KCND3: variants seen among roughly 807,000 people sequenced by gnomAD.
KCND3 encodes A-type voltage-gated potassium channel KCND3.
KCND3 carries 9 observed loss-of-function variants against 51.1 expected under a neutral mutation model. That is an observed-to-expected ratio of 0.18 (90% confidence interval 0.11 to 0.31). KCND3 has a LOEUF of 0.31. Ranked by LOEUF, KCND3 falls within the 10% of genes least tolerant of loss-of-function variation. The probability of loss-of-function intolerance (pLI) is 1.00; values close to 1 mark genes in which losing one functional copy is unlikely to be tolerated. For missense variants in KCND3, 526 were observed against 903.8 expected (o/e 0.58, Z 5.36); for synonymous variants, 349 against 368.0 (o/e 0.95, Z 0.59).
chr1:111,820,651 T>C (rs1466883338), intron 2 of KCND3, among the ~76,000 whole-genome samples: 1 of 152,214 alleles, frequency 6.6e-6, no homozygotes, highest in Non-Finnish European at 1.5e-5. Context: ...GATTGAATTG[T>C]GTCTTCCAAA....
At chr1:111,950,539 A>T (rs1488694124) in intron 2 of KCND3, among the ~76,000 whole-genome samples, 1 of 152,232 alleles carries the variant, frequency 6.6e-6, no homozygotes, top group Non-Finnish European at 1.5e-5. Flanking sequence ...GAATAGATTA[A>T]TTATTGAATG....
intron 2 of KCND3, among the ~76,000 whole-genome samples, chr1:111,895,741 C>T (rs578000349): frequency 2.6e-5 from 4 of 152,316 alleles, no homozygotes; most frequent in East Asian, 1.9e-4. Context: ...GGGCTGGATG[C>T]GGAACAGGCC....
intron 2 of KCND3, among the ~76,000 whole-genome samples, chr1:111,829,204 G>A (rs1043906780): frequency 2.6e-5 from 4 of 152,312 alleles, no homozygotes; most frequent in South Asian, 2.1e-4. Flanking sequence ...GTGGTTGTGC[G>A]GTTGCAGGGA....
At chr1:111,899,510 A>G (rs894691935) in intron 2 of KCND3, among the ~76,000 whole-genome samples, 9 of 152,236 alleles carry the variant, frequency 5.9e-5, no homozygotes, top group African/African-American at 1.9e-4. Context: ...TGTCTGCAGA[A>G]AGGCCTCCTA....
chr1:111,891,583 T>C (rs536670163), intron 2 of KCND3, among the ~76,000 whole-genome samples: 27 of 152,272 alleles, frequency 1.8e-4, no homozygotes, highest in African/African-American at 6.5e-4. Flanking sequence ...ATTAACTTGT[T>C]AAACACTGTT....
chr1:111,927,349 C>A (rs1344380412), intron 2 of KCND3, among the ~76,000 whole-genome samples: 3 of 152,256 alleles, frequency 2.0e-5, no homozygotes, highest in African/African-American at 7.2e-5. Flanking sequence ...AGTGTTCACA[C>A]CCATAGGTGG....
intron 2 of KCND3, among the ~76,000 whole-genome samples, chr1:111,819,462 C>T (rs576965533): frequency 6.6e-6 from 1 of 151,966 alleles, no homozygotes; most frequent in Non-Finnish European, 1.5e-5. Flanking sequence ...AGCAAGAGCT[C>T]GCTCATAAAT....
chr1:111,853,040 G>T (rs541382932), intron 2 of KCND3, among the ~76,000 whole-genome samples: 2 of 152,306 alleles, frequency 1.3e-5, no homozygotes, highest in South Asian at 4.1e-4. Flanking sequence ...CACTTTACAT[G>T]AATTATCCAC....
intron 3 of KCND3, among the ~76,000 whole-genome samples, chr1:111,782,876 C>T (rs1371700931): frequency 6.6e-6 from 1 of 152,176 alleles, no homozygotes; most frequent in Non-Finnish European, 1.5e-5. Flanking sequence ...AATGGATTTA[C>T]ATAACCATAC....
At chr1:111,831,332 T>C (rs1026097275) in intron 2 of KCND3, among the ~76,000 whole-genome samples, 1 of 152,176 alleles carries the variant, frequency 6.6e-6, no homozygotes, top group East Asian at 1.9e-4. Context: ...TGGGAGGTGA[T>C]TGGATCCTGG....
intron 2 of KCND3, among the ~76,000 whole-genome samples, chr1:111,795,539 C>T (rs1291500303): frequency 2.0e-5 from 3 of 152,170 alleles, no homozygotes; most frequent in East Asian, 1.9e-4. Context: ...TCAAGATCAT[C>T]GGCTCATTCA....
At position 111,870,105 on chromosome 1, in the gene KCND3, A is replaced by G. The variant is rs1435471204; in HGVS notation, c.1107-82999T>C. Among the ~76,000 whole-genome samples the G allele has an allele frequency of 2.0e-5, 3 of 152,216 alleles. No homozygotes were observed. In the East Asian group the frequency reaches 5.8e-4, roughly 29 times the overall value. On this transcript the variant is annotated intron_variant, in intron 2 of 7. Transcript: ENST00000302127. ...TTGCTTGTATCATTTAAGCCTCACA[A>G]TGGCCCTATGAAGTAAGCATAATTG...
At chr1:111,801,840 T>A (rs996527133) in intron 2 of KCND3, among the ~76,000 whole-genome samples, 1 of 152,126 alleles carries the variant, frequency 6.6e-6, no homozygotes, top group Non-Finnish European at 1.5e-5. Flanking sequence ...TTCCATTAAG[T>A]CTCAGACTCT....
At chr1:111,945,300 T>A (rs985220472) in intron 2 of KCND3, among the ~76,000 whole-genome samples, 2 of 150,912 alleles carry the variant, frequency 1.3e-5, no homozygotes, top group Admixed American at 1.3e-4. Context: ...ACAGGAGGGG[T>A]TTCATGGAAG....
At chr1:111,810,166 T>C (rs1009614829) in intron 2 of KCND3, among the ~76,000 whole-genome samples, 14 of 152,196 alleles carry the variant, frequency 9.2e-5, no homozygotes, top group African/African-American at 2.7e-4. Flanking sequence ...TATTTGTGGC[T>C]CTATCTTGAA....
intron 2 of KCND3, among the ~76,000 whole-genome samples, chr1:111,820,491 A>T (rs969013713): frequency 6.6e-6 from 1 of 152,188 alleles, no homozygotes; most frequent in African/African-American, 2.4e-5. Flanking sequence ...AATATATTAT[A>T]CCTTGCAATG....
chr1:111,847,495 G>T (rs1667608706), intron 2 of KCND3, among the ~76,000 whole-genome samples: 1 of 152,290 alleles, frequency 6.6e-6, no homozygotes, highest in Admixed American at 6.5e-5. Context: ...AGCCCAGAAT[G>T]CCATGGGCCT....
chr1:111,982,819 G>A lies in KCND3; in HGVS notation c.-72-21C>T. On this transcript the variant is annotated intron_variant, in intron 1 of 7. Coordinates refer to ENST00000302127, the MANE Select transcript of KCND3 (RefSeq NM_001378969.1). This position sits in a 1 kb window ranked among gnomAD's most constrained non-coding sequence, Gnocchi z 8.5. Reference sequence around the variant, plus strand: ...AAACCCTGGGAGACAGGAGGGGAGAGAGAGAAGCGGTGAGTCCATATCGAC... The same window carrying A: ...AAACCCTGGGAGACAGGAGGGGAGAAAGAGAAGCGGTGAGTCCATATCGAC... 4.6e-6 allele frequency: 7 copies of A among 1,505,730 alleles called. No homozygotes were observed. The highest frequency in any genetic ancestry group is 6.2e-6 in the Non-Finnish European group (7 of 1,120,776). 93.3% of individuals were successfully genotyped at this position (1,505,730 alleles called of 1,614,324 possible). A position where few individuals can be genotyped will look rare whatever the true frequency, so the allele number is the denominator to read the frequency against.
chr1:111,989,658 TCTCGCTCGCTGCCTCC>T (rs1261510158), exon 1 of KCND3: 1 of 148,370 alleles, frequency 6.7e-6, no homozygotes, highest in Non-Finnish European at 1.5e-5. Context: ...GCCAGCGCAG[TCTCGCTCGCTGCCTCC>T]CTCGCTCGGT....
Sources: allele counts gnomAD v4.1 joint callset (sites outside exome capture counted in the v4.1 genomes callset), GRCh38; gene constraint gnomAD v4.1.1; non-coding constraint Gnocchi (gnomAD v3.1); transcripts MANE v1.5; gene names NCBI Gene and HGNC (gene_info 2026-07-23, HGNC 2026-07-21).